Variants in NBAS observed in about 807,000 individuals in gnomAD.
NBAS encodes NAG/BC035112 fusion.
NBAS carries 219 observed loss-of-function variants against 302.5 expected under a neutral mutation model. That is an observed-to-expected ratio of 0.72 (90% CI 0.65 to 0.81). The LOEUF is 0.81. Ranked by LOEUF, NBAS falls within the 30% of genes least tolerant of loss-of-function variation. NBAS has a pLI of 0.00. For missense variants in NBAS, 2,932 were observed against 2,841.6 expected (o/e 1.03, Z -0.72); for synonymous variants, 1,118 against 1,021.6 (o/e 1.09, Z -1.80).
At chr2:15,442,701 A>T (rs1310666750) in intron 21 of NBAS, among the ~76,000 whole-genome samples, 1 of 152,028 alleles carries the variant, frequency 6.6e-6, no homozygotes, top group Non-Finnish European at 1.5e-5. Flanking sequence ...TCAAAAAATT[A>T]ATGAATCCAG....
At chr2:14,861,479 A>G in the NBAS span, among the ~76,000 whole-genome samples, 2 of 152,200 alleles carry the variant, frequency 1.3e-5, no homozygotes, top group African/African-American at 4.8e-5. Flanking sequence ...GGAGATGAAA[A>G]TGCACATGCC....
the NBAS span, among the ~76,000 whole-genome samples, chr2:15,135,026 G>A: frequency 6.6e-6 from 1 of 152,230 alleles, no homozygotes; most frequent in Middle Eastern, 3.4e-3. Flanking sequence ...CCTGAAAAAA[G>A]AAATTTCTTT....
the NBAS span, among the ~76,000 whole-genome samples, chr2:14,914,960 T>G: frequency 2.0e-5 from 3 of 152,348 alleles, no homozygotes; most frequent in African/African-American, 7.2e-5. Context: ...TCTTTCTGTT[T>G]ATATACTCCC....
At chr2:15,394,630 A>T (rs1351361870) in intron 27 of NBAS, among the ~76,000 whole-genome samples, 1 of 152,160 alleles carries the variant, frequency 6.6e-6, no homozygotes, top group Non-Finnish European at 1.5e-5. Flanking sequence ...TCTTTTTGCT[A>T]CAGCACCTGT....
At chr2:15,357,550 G>A (rs977434530) in intron 32 of NBAS, among the ~76,000 whole-genome samples, 1 of 152,112 alleles carries the variant, frequency 6.6e-6, no homozygotes, top group Non-Finnish European at 1.5e-5. Flanking sequence ...CATTTGAAGA[G>A]ACAGGTCAAA....
At chr2:15,150,647 T>C in the NBAS span, among the ~76,000 whole-genome samples, 11 of 152,310 alleles carry the variant, frequency 7.2e-5, no homozygotes, top group Non-Finnish European at 8.8e-5. Context: ...CCTTTTGTTG[T>C]TTTTTCTGTG....
intron 35 of NBAS, among the ~76,000 whole-genome samples, chr2:15,343,150 C>G (rs1437626029): frequency 6.6e-6 from 1 of 152,058 alleles, no homozygotes; most frequent in African/African-American, 2.4e-5. Context: ...TGCATTTACA[C>G]AAGATGTGGG....
the NBAS span, among the ~76,000 whole-genome samples, chr2:14,785,008 G>C: frequency 9.9e-5 from 15 of 152,174 alleles, no homozygotes; most frequent in Non-Finnish European, 8.8e-5. Context: ...GCAGTGGTTT[G>C]TAGTTCTCCT....
chr2:15,182,769 A>C (rs1664888462), intron 50 of NBAS, among the ~76,000 whole-genome samples: 1 of 152,228 alleles, frequency 6.6e-6, no homozygotes. Flanking sequence ...TGTGGTACAC[A>C]GGACCTGTGA....
At chr2:15,408,398 A>G (rs1002374245) in intron 25 of NBAS, among the ~76,000 whole-genome samples, 1 of 152,084 alleles carries the variant, frequency 6.6e-6, no homozygotes, top group Non-Finnish European at 1.5e-5. Context: ...ATTATTATTA[A>G]TTTATACACT....
downstream of NBAS, among the ~76,000 whole-genome samples, chr2:15,164,541 C>T (rs1663969780): frequency 6.6e-6 from 1 of 152,234 alleles, no homozygotes; most frequent in Non-Finnish European, 1.5e-5. Flanking sequence ...TCTCACCCTG[C>T]ACTGGCTCAC....
At chr2:15,436,430 G>C (rs1678017840) in intron 21 of NBAS, among the ~76,000 whole-genome samples, 8 of 152,098 alleles carry the variant, frequency 5.3e-5, no homozygotes, top group Non-Finnish European at 2.9e-5. Flanking sequence ...ATGAATCACT[G>C]TGCTTCTCAA....
At position 15,173,168 on chromosome 2, in the gene NBAS, T is replaced by C. The variant is rs1664375522; in HGVS notation, c.6840+5820A>G. ...TTTTTTGTGTGTCAGCAATTAATTT[T>C]TGAGAATAAATGATACTTTACAGAT... On this transcript the variant is annotated intron_variant, in intron 51 of 51. Transcript: ENST00000281513. Among the ~76,000 whole-genome samples the C allele has an allele frequency of 2.0e-5, 3 of 152,232 alleles. No individual in the cohort carries two copies. The South Asian group carries it at 6.2e-4, about 32-fold the overall frequency.
chr2:15,039,418 T>C, the NBAS span, among the ~76,000 whole-genome samples: 1 of 152,124 alleles, frequency 6.6e-6, no homozygotes, highest in East Asian at 1.9e-4. Flanking sequence ...AAGAAATTGT[T>C]CCATATGATT....
At chr2:15,274,789 G>C (rs866461033) in intron 44 of NBAS, among the ~76,000 whole-genome samples, 1 of 152,004 alleles carries the variant, frequency 6.6e-6, no homozygotes, top group Non-Finnish European at 1.5e-5. Flanking sequence ...TTTTGAGACA[G>C]AGTCTCACTC....
In NBAS at chr2:15,561,202, C is replaced by G. The variant is rs1270203439; in HGVS notation, c.103G>C (p.Glu35Gln). Residue 35 changes from glutamate to glutamine, a missense_variant, in exon 1 of 52, where the codon GAG becomes CAG. By Grantham distance (29) the Glu-to-Gln change is conservative. Transcript: ENST00000281513. ...DLLVNTEWPPETEVQPRGNQK... is the reference protein window; with the variant it reads ...DLLVNTEWPPQTEVQPRGNQK... The stretch of plus-strand genomic sequence containing the variant: ...GCCTGGTTCACCTGTACTTCAGTCT[C>G]CGGTGGCCACTCGGTGTTGACCAAC... 6.2e-7 allele frequency: 1 copy of G among 1,613,760 alleles called. No individual in the cohort carries two copies. Among genetic ancestry groups the G allele is most frequent in the African/African-American group, 1.3e-5 (1 of 74,906 alleles).
the NBAS span, among the ~76,000 whole-genome samples, chr2:15,119,893 T>C: frequency 6.6e-6 from 1 of 152,130 alleles, no homozygotes; most frequent in Non-Finnish European, 1.5e-5. Flanking sequence ...GCTGCTCCTT[T>C]TACAGATGAG....
chr2:15,337,198 A>C (rs1672625165), intron 35 of NBAS, among the ~76,000 whole-genome samples: 1 of 152,098 alleles, frequency 6.6e-6, no homozygotes, highest in Non-Finnish European at 1.5e-5. Context: ...GCATGTGCCT[A>C]TAGTCTTAGC....
the NBAS span, among the ~76,000 whole-genome samples, chr2:14,834,992 CA>C: frequency 2.6e-5 from 4 of 151,958 alleles, no homozygotes; most frequent in Admixed American, 6.6e-5. Context: ...TAGAAATGAA[CA>C]GGAGGAATAA....
Sources: allele counts gnomAD v4.1 joint callset (sites outside exome capture counted in the v4.1 genomes callset), GRCh38; gene constraint gnomAD v4.1.1; transcripts MANE v1.5; gene names NCBI Gene and HGNC (gene_info 2026-07-23, HGNC 2026-07-21).